ZNF479: variants seen among roughly 807,000 people sequenced by gnomAD.
ZNF479 encodes the protein KRAB zinc finger protein KR19.
A neutral mutation model predicts 14.7 loss-of-function variants in ZNF479; 15 were observed. The ratio of observed to expected loss-of-function variants is 1.02; its 90% CI spans 0.68 to 1.57. ZNF479 has a LOEUF of 1.57. Among genes scored for constraint, ZNF479 ranks in the 40% most tolerant of loss-of-function variants. The pLI, the probability that ZNF479 is intolerant of heterozygous loss-of-function variation, is 0.00. For missense variants in ZNF479, 506 were observed against 615.1 expected (o/e 0.82, Z 1.88); for synonymous variants, 145 against 211.5 (o/e 0.69, Z 2.73).
At chr7:57,125,501 T>C (rs911316965) in intron 3 of ZNF479, among the ~76,000 whole-genome samples, 1 of 150,682 alleles carries the variant, frequency 6.6e-6, no homozygotes, top group African/African-American at 2.4e-5. Flanking sequence ...AGCCTCTAAA[T>C]AAATAAATAT....
intron 1 of ZNF479, chr7:57,127,528 G>A (rs1786226984): frequency 1.0e-6 from 1 of 983,800 alleles, no homozygotes; most frequent in Admixed American, 6.2e-5. Flanking sequence ...AATGTTTCTA[G>A]CCTAGTAAGA....
intron 1 of ZNF479, among the ~76,000 whole-genome samples, chr7:57,129,617 A>C (rs572347768): frequency 1.3e-5 from 2 of 152,318 alleles, no homozygotes; most frequent in East Asian, 3.9e-4. Flanking sequence ...TGTACTAATA[A>C]AATGTTTATT....
chr7:57,119,967 T>G lies in ZNF479; in HGVS notation c.1448A>C (p.His483Pro), dbSNP rs1785831136. 6.2e-7 allele frequency: 1 copy of G among 1,613,710 alleles called. No homozygotes were observed. Among genetic ancestry groups the G allele is most frequent in the African/African-American group, 1.3e-5 (1 of 74,906 alleles). Residue 483 changes from histidine to proline, a missense_variant, in exon 4 of 4, where the codon CAT becomes CCT. This residue lies in a region of ZNF479 where 72 missense variants were observed against 97.6 expected (regional missense o/e 0.74). Coordinates refer to ENST00000319636, the MANE Select transcript of ZNF479 (RefSeq NM_001370129.2). ...AFNCSSTLMQ[H>P]KRIHTGEKPY... is the part of the protein sequence containing the mutation. Reference sequence around the variant, plus strand: ...TTTCTCTCCAGTATGAATTCTCTTATGTTGCATAAGGGTTGAGGAGCAATT... The same window carrying G: ...TTTCTCTCCAGTATGAATTCTCTTAGGTTGCATAAGGGTTGAGGAGCAATT...
At position 57,119,818 on chromosome 7, in the gene ZNF479, C is replaced by G; in HGVS notation, c.*22G>C. ...GTAAATTATTTTATGTATTATAAGG[C>G]CTGAGGGTGGACTTTGCCATATTAT... On this transcript the variant is annotated 3_prime_UTR_variant, in exon 4 of 4. Transcript: ENST00000319636. The G allele has an allele frequency of 6.3e-7, 1 of 1,594,390 alleles. No homozygotes were observed. The highest frequency in any genetic ancestry group is 1.1e-5 in the South Asian group (1 of 89,694).
intron 1 of ZNF479, 72 bp downstream of exon 1, chr7:57,132,214 C>G: frequency 6.2e-7 from 1 of 1,613,216 alleles, no homozygotes; most frequent in Non-Finnish European, 8.5e-7. Context: ...AGTCTGGGAC[C>G]TGCTACAGCC....
At chr7:57,136,152 G>T (rs1267110097), upstream of ZNF479, among the ~76,000 whole-genome samples, 1 of 152,060 alleles carries the variant, frequency 6.6e-6, no homozygotes, top group Non-Finnish European at 1.5e-5. Context: ...GGGAGGCCGA[G>T]GTGGGCGGAT....
intron 1 of ZNF479, among the ~76,000 whole-genome samples, chr7:57,139,275 C>T (rs1182990754): frequency 2.0e-5 from 3 of 152,256 alleles, no homozygotes; most frequent in South Asian, 2.1e-4. Context: ...TTATGACTCT[C>T]ATATGTGAAC....
rs1554400087 is a variant in ZNF479, at chr7:57,120,413, A to G, written c.1002T>C (p.Phe334=). The change falls in exon 4 of 4, where the codon TTT becomes TTC. Residue 334 remains phenylalanine, a synonymous_variant. Coordinates refer to ENST00000319636, the MANE Select transcript of ZNF479 (RefSeq NM_001370129.2). ...GTCTAGTAAGGTTTGAGGACCAGCT[A>G]AAGGCTTTGCCACATTCCTCACACC... The part of the protein sequence containing the change: ...PCRCEECGKA[F]SWSSNLTRHK... 4 of 1,613,184 alleles carry G rather than the reference A, an allele frequency of 2.5e-6. No homozygotes were observed. The highest frequency in any genetic ancestry group is 3.4e-6 in the Non-Finnish European group (4 of 1,179,626).
chr7:57,132,466 C>T (rs1277899872), upstream of ZNF479: 1 of 1,297,502 alleles, frequency 7.7e-7, no homozygotes, highest in African/African-American at 1.5e-5. Flanking sequence ...GTAGCCTGTT[C>T]TTTCCAGCTG....
At chr7:57,135,557 C>T (rs1387090907), upstream of ZNF479, among the ~76,000 whole-genome samples, 8 of 152,032 alleles carry the variant, frequency 5.3e-5, no homozygotes, top group East Asian at 1.9e-4. Flanking sequence ...GGATTACAGG[C>T]GCCCACCACC....
intron 1 of ZNF479, among the ~76,000 whole-genome samples, chr7:57,139,031 T>G (rs1269424675): frequency 6.6e-6 from 1 of 152,194 alleles, no homozygotes; most frequent in Non-Finnish European, 1.5e-5. Context: ...CATTTGGGAT[T>G]GTTAACAAAT....
At chr7:57,126,191 T>C in intron 2 of ZNF479, 78 bp from the exon 3 acceptor site, 4 of 1,410,402 alleles carry the variant, frequency 2.8e-6, no homozygotes, top group Non-Finnish European at 2.9e-6. Flanking sequence ...GCTTAGAGGA[T>C]ATAATAGAAA....
At chr7:57,127,322 C>T (rs963154090) in intron 1 of ZNF479, among the ~76,000 whole-genome samples, 4 of 151,992 alleles carry the variant, frequency 2.6e-5, no homozygotes, top group African/African-American at 7.2e-5. Flanking sequence ...TGCGCCTGGC[C>T]GGACATGTCT....
chr7:57,120,095 T>G lies in ZNF479; in HGVS notation c.1320A>C (p.Glu440Asp). Residue 440 changes from glutamate to aspartate, a missense_variant, in exon 4 of 4, where the codon GAA becomes GAC. By Grantham distance (45) the Glu-to-Asp change is conservative. This residue lies in a region of ZNF479 where 72 missense variants were observed against 97.6 expected (regional missense o/e 0.74). Transcript: ENST00000319636. ...ATAAGCTAAAGGCTTTGCCACATTCTTCACATTTGTAGGGTCTCTCTCCAG... is the reference window on the plus strand; with the variant it reads ...ATAAGCTAAAGGCTTTGCCACATTCGTCACATTTGTAGGGTCTCTCTCCAG... ...IHTGERPYKC[E>D]ECGKAFSLSS... 1 of 1,613,554 alleles carries G rather than the reference T, an allele frequency of 6.2e-7. No homozygotes were observed.
chr7:57,124,176 C>T (rs1191143731), intron 3 of ZNF479, among the ~76,000 whole-genome samples: 3 of 151,822 alleles, frequency 2.0e-5, no homozygotes, highest in African/African-American at 4.8e-5. Context: ...TAGAGAAACA[C>T]ACATGAAAAA....
At chr7:57,130,433 A>G (rs1192706383) in intron 1 of ZNF479, among the ~76,000 whole-genome samples, 1 of 152,164 alleles carries the variant, frequency 6.6e-6, no homozygotes, top group African/African-American at 2.4e-5. Context: ...AGACCGCACC[A>G]CTGCACTCCA....
intron 1 of ZNF479, 80 bp from the exon 2 acceptor site, chr7:57,126,798 T>A: frequency 6.5e-7 from 1 of 1,545,222 alleles, no homozygotes; most frequent in Non-Finnish European, 8.8e-7. Context: ...TTTATTTGAC[T>A]CAAGTTAAAA....
intron 1 of ZNF479, 65 bp from the exon 2 acceptor site, chr7:57,126,783 A>G (rs533528807): frequency 1.9e-6 from 3 of 1,591,464 alleles, no homozygotes; most frequent in Admixed American, 3.7e-5. Flanking sequence ...CCATAGGCAG[A>G]GATTTTTATT....
At chr7:57,128,580 T>C (rs1835709655) in intron 1 of ZNF479, among the ~76,000 whole-genome samples, 1 of 152,216 alleles carries the variant, frequency 6.6e-6, no homozygotes, top group South Asian at 2.1e-4. Context: ...AATGGGAACA[T>C]TTTAAATATC....
Sources: allele counts gnomAD v4.1 joint callset (sites outside exome capture counted in the v4.1 genomes callset), GRCh38; gene constraint gnomAD v4.1.1; regional missense constraint gnomAD v4.1.1; transcripts MANE v1.5; gene names NCBI Gene and HGNC (gene_info 2026-07-23, HGNC 2026-07-21).